The following BIRC6 variants were observed in gnomAD, a reference collection of about 807,000 sequenced individuals.
BIRC6 encodes baculoviral IAP repeat containing 6.
BIRC6 carries 98 observed loss-of-function variants against 503.3 expected under a neutral mutation model. That is an observed-to-expected ratio of 0.19 (90% confidence interval 0.17 to 0.23). The LOEUF is 0.23. Ranked by LOEUF, BIRC6 falls within the 10% of genes least tolerant of loss-of-function variation. BIRC6 has a pLI of 1.00. For missense variants in BIRC6, 5,360 were observed against 5,806.0 expected, an observed-to-expected ratio of 0.92 and a Z score of 2.50; for synonymous variants, 2,240 against 2,078.7, an observed-to-expected ratio of 1.08 and a Z score of -2.11.
intron 61 of BIRC6, among the ~76,000 whole-genome samples, chr2:32,536,984 G>C (rs2057291690): frequency 6.6e-6 from 1 of 152,152 alleles, no homozygotes; most frequent in Admixed American, 6.5e-5. Flanking sequence ...CACATCCCTT[G>C]TAAGTTGGAC....
rs770834713 is a variant in BIRC6, at chr2:32,415,717, C to G, written c.2426C>G (p.Thr809Ser). 6.2e-7 allele frequency: 1 copy of G among 1,613,798 alleles called. No individual in the cohort carries two copies. Among genetic ancestry groups the G allele is most frequent in the Admixed American group, 1.7e-5 (1 of 60,012 alleles). ...CATGAATCACCAGCAGATGTACAGA[C>G]TCCTTTAATAATTCAGCCTGAGCAG... Reference protein sequence around the residue: ...IQHESPADVQTPLIIQPEQRN... With the variant: ...IQHESPADVQSPLIIQPEQRN... Residue 809 changes from threonine (T) to serine (S), a missense_variant, in exon 10 of 74, where the codon ACT (threonine) becomes AGT (serine). Thr to Ser is a moderately conservative substitution (Grantham distance 58). This residue lies in a region of BIRC6 where 700 missense variants were observed against 739.3 expected (regional missense o/e 0.95). Coordinates refer to ENST00000421745, the MANE Select transcript of BIRC6 (RefSeq NM_016252.4).
chr2:32,494,299 C>G (rs944536352), intron 45 of BIRC6, among the ~76,000 whole-genome samples: 4 of 151,542 alleles, frequency 2.6e-5, no homozygotes, highest in African/African-American at 9.7e-5. Context: ...GCAGTCTTGG[C>G]TCACTGCAAC....
chr2:32,591,106 T>C (rs1002604131), intron 66 of BIRC6: 2 of 449,464 alleles, frequency 4.4e-6, no homozygotes, highest in Non-Finnish European at 5.9e-6. Flanking sequence ...GATAGGCAGG[T>C]AGTGTGTGTT....
At chr2:32,372,195 A>G (rs1464147808) in intron 1 of BIRC6, among the ~76,000 whole-genome samples, 1 of 152,192 alleles carries the variant, frequency 6.6e-6, no homozygotes, top group African/African-American at 2.4e-5. Flanking sequence ...CTTGTCATAC[A>G]GGTACACACA....
chr2:32,605,621 T>C (rs543696460), intron 71 of BIRC6, among the ~76,000 whole-genome samples: 5 of 152,200 alleles, frequency 3.3e-5, no homozygotes, highest in South Asian at 4.1e-4. Context: ...TTCAGCACTT[T>C]GGGAGGCAGG....
chr2:32,465,140 A>G lies in BIRC6; in HGVS notation c.5332A>G (p.Ile1778Val). The change falls in exon 26 of 74, where the codon ATT becomes GTT. Residue 1778 changes from isoleucine (I) to valine (V), a missense_variant. Around this residue, in one of 16 missense-constraint regions of BIRC6, gnomAD observed 2,299 missense variants for 2,267.2 expected, o/e 1.01. Coordinates refer to ENST00000421745, the MANE Select transcript of BIRC6 (RefSeq NM_016252.4). The part of the protein sequence containing the change: ...HFLQPPPHQS[I>V]IIERMHSGAR... ...TCTTCAACCTCCGCCTCACCAGTCCATTATTATAGAGCGAATGCATTCAGG... is the reference window on the plus strand; with the variant it reads ...TCTTCAACCTCCGCCTCACCAGTCCGTTATTATAGAGCGAATGCATTCAGG... 2 of 1,585,740 alleles carry G rather than the reference A, an allele frequency of 1.3e-6. No homozygotes were observed. The highest frequency in any genetic ancestry group is 8.6e-7 in the Non-Finnish European group (1 of 1,163,558).
chr2:32,357,338 G>A lies in BIRC6; in HGVS notation c.177G>A (p.Arg59=). The change falls in exon 1 of 74, where the codon CGG becomes CGA. Residue 59 remains arginine, a synonymous_variant. Coordinates refer to ENST00000421745, the MANE Select transcript of BIRC6 (RefSeq NM_016252.4). The surrounding 1 kb of genome is among the most constrained non-coding windows in gnomAD (Gnocchi z 4.9). ...GGGTCTCAGAGTGGCTGGTGCTGCG[G>A]GACGGCTGCATGCACTGCGACGCCG... ...AAGVSEWLVL[R]DGCMHCDADG... is the part of the protein sequence containing the mutation. 6.5e-7 allele frequency: 1 copy of A among 1,541,680 alleles called. No individual in the cohort carries two copies. Among genetic ancestry groups the A allele is most frequent in the Non-Finnish European group, 8.7e-7 (1 of 1,145,270 alleles).
Position 32,575,330 on chromosome 2 carries a change from T to C in BIRC6, c.13319T>C (p.Met4440Thr). 6.2e-7 allele frequency: 1 copy of C among 1,614,020 alleles called. No individual in the cohort carries two copies. The highest frequency in any genetic ancestry group is 8.5e-7 in the Non-Finnish European group (1 of 1,179,880). ...QTSVGTLLAK[M>T]KTCVDTYTNR... ...TCTGTTGGTACATTGTTAGCCAAAA[T>C]GAAGACCTGTGTTGATACCTATACC... Residue 4440 changes from methionine to threonine, a missense_variant, in exon 66 of 74, where the codon ATG becomes ACG. By Grantham distance (81) the Met-to-Thr change is moderately conservative. Around this residue, in one of 16 missense-constraint regions of BIRC6, gnomAD observed 477 missense variants for 574.4 expected, o/e 0.83. Coordinates refer to ENST00000421745, the MANE Select transcript of BIRC6 (RefSeq NM_016252.4).
In BIRC6 at chr2:32,531,278, C is replaced by T. The variant is rs1372704812; in HGVS notation, c.12095-77C>T. ...TTGAGTAGCAAGAAAGCAGTAATAC[C>T]TGCTTTTGTAAATGAAAGAATATTA... On this transcript the variant is annotated intron_variant, in intron 60 of 73. Coordinates refer to ENST00000421745, the MANE Select transcript of BIRC6 (RefSeq NM_016252.4). 4.0e-6 allele frequency: 5 copies of T among 1,264,798 alleles called. 1 individual carries two copies. In the East Asian group the frequency reaches 7.6e-5, roughly 19 times the overall value. The allele number at this position is 1,264,798 out of a possible 1,614,324, so 78.3% of individuals were successfully genotyped here. A position where few individuals can be genotyped will look rare whatever the true frequency, so the allele number is the denominator to read the frequency against.
At chr2:32,441,842 A>G (rs1054624485) in intron 17 of BIRC6, among the ~76,000 whole-genome samples, 5 of 152,190 alleles carry the variant, frequency 3.3e-5, no homozygotes, top group Non-Finnish European at 7.3e-5. Flanking sequence ...AAACAAAACA[A>G]AAAGAAATTA....
At chr2:32,532,199 CTA>C (rs776197760) in intron 61 of BIRC6, 3 of 513,894 alleles carry the variant, frequency 5.8e-6, no homozygotes, top group Middle Eastern at 5.8e-4. Flanking sequence ...GCTCTAGACT[CTA>C]TTATAGTTTC....
intron 39 of BIRC6, among the ~76,000 whole-genome samples, chr2:32,483,967 T>G (rs2050701201): frequency 6.6e-6 from 1 of 152,110 alleles, no homozygotes; most frequent in Non-Finnish European, 1.5e-5. Context: ...TCTCATTGGG[T>G]TTTTTGGGGG....
Position 32,431,106 on chromosome 2 carries a change from A to G in BIRC6, c.3248+16A>G. 2 of 1,560,336 alleles carry G rather than the reference A, an allele frequency of 1.3e-6. No homozygotes were observed. The highest frequency in any genetic ancestry group is 2.3e-5 in the East Asian group (1 of 43,574). ...AGACCGACAGGTAAAAGATATTCCC[A>G]AGATAATTAATTTTAAGTCCATCTT... On this transcript the variant is annotated intron_variant, in intron 12 of 73. Coordinates refer to ENST00000421745, the MANE Select transcript of BIRC6 (RefSeq NM_016252.4).
intron 13 of BIRC6, among the ~76,000 whole-genome samples, chr2:32,435,225 CTTTTAG>C (rs1356227198): frequency 1.3e-5 from 2 of 152,108 alleles, no homozygotes; most frequent in Non-Finnish European, 2.9e-5. Context: ...AGGGTAAGAA[CTTTTAG>C]TTTAGTTGCC....
At chr2:32,594,536 T>C (rs1316528476) in intron 67 of BIRC6, among the ~76,000 whole-genome samples, 1 of 152,066 alleles carries the variant, frequency 6.6e-6, no homozygotes, top group Non-Finnish European at 1.5e-5. Context: ...CTCTACGAAA[T>C]ACAGGAAACA....
intron 73 of BIRC6, among the ~76,000 whole-genome samples, chr2:32,614,580 C>G (rs2063109711): frequency 1.3e-5 from 2 of 152,198 alleles, no homozygotes; most frequent in Admixed American, 1.3e-4. Flanking sequence ...ATAATCCCAA[C>G]ACTTTGGGAG....
chr2:32,506,221 C>T (rs755884936), intron 50 of BIRC6, among the ~76,000 whole-genome samples: 4 of 152,124 alleles, frequency 2.6e-5, no homozygotes. Flanking sequence ...TAAATTAATA[C>T]ACATGCTTAC....
intron 1 of BIRC6, among the ~76,000 whole-genome samples, chr2:32,376,079 G>A (rs772771328): frequency 1.3e-4 from 20 of 151,932 alleles, no homozygotes; most frequent in African/African-American, 2.7e-4. Context: ...CCAGCTACTC[G>A]GGAGGCTGAG....
chr2:32,489,354 G>C (rs1440622635), intron 42 of BIRC6, among the ~76,000 whole-genome samples: 2 of 151,976 alleles, frequency 1.3e-5, no homozygotes, highest in Non-Finnish European at 2.9e-5. Context: ...GTCACGCACA[G>C]ATTCTACTTA....
Sources: gnomAD v4.1 joint callset for allele counts (sites outside exome capture counted in the v4.1 genomes callset) on GRCh38, gnomAD v4.1.1 for gene constraint, gnomAD v4.1.1 regional missense constraint, Gnocchi (gnomAD v3.1) non-coding constraint, MANE v1.5 for transcripts, NCBI Gene and HGNC (gene_info 2026-07-23, HGNC 2026-07-21) for gene names.